GNB5: variants seen among roughly 807,000 people sequenced by gnomAD.
The protein encoded by GNB5 is guanine nucleotide-binding protein subunit beta-5.
GNB5 carries 37 observed loss-of-function variants against 55.3 expected under a neutral mutation model. The ratio of observed to expected loss-of-function variants is 0.67; its 90% confidence interval spans 0.51 to 0.88. GNB5 has a LOEUF of 0.88. Ranked by LOEUF, GNB5 falls within the 40% of genes least tolerant of loss-of-function variation. GNB5 has a pLI of 0.00. For synonymous variants in GNB5, 219 were observed against 198.5 expected, an observed-to-expected ratio of 1.10 and a Z score of -0.87; for missense variants, 476 against 515.3, an observed-to-expected ratio of 0.92 and a Z score of 0.74.
At chr15:52,167,197 C>T (rs1293108329) in intron 3 of GNB5, among the ~76,000 whole-genome samples, 2 of 151,814 alleles carry the variant, frequency 1.3e-5, no homozygotes, top group Admixed American at 1.3e-4. Flanking sequence ...AGCCTACCAA[C>T]AAAAAAAAGT....
intron 3 of GNB5, among the ~76,000 whole-genome samples, chr15:52,175,474 C>A (rs1048076596): frequency 1.3e-5 from 2 of 152,248 alleles, no homozygotes; most frequent in African/African-American, 4.8e-5. Flanking sequence ...CACATTAGCT[C>A]ACGCCTGTAA....
In GNB5 at chr15:52,127,090, C is replaced by G. The variant is rs145532085; in HGVS notation, c.913-1046G>C. Among the ~76,000 whole-genome samples, 720 of 152,254 alleles carry G rather than the reference C, an allele frequency of 4.7e-3. 17 individuals are homozygous for G. Among genetic ancestry groups the G allele is most frequent in the East Asian group, 0.025 (128 of 5,186 alleles). Reference sequence around the variant, plus strand: ...GGGATTACAGGCATGAACCACCGTGCCTGGCCAAGTAGAGATGTTTTCAAG... The same window carrying G: ...GGGATTACAGGCATGAACCACCGTGGCTGGCCAAGTAGAGATGTTTTCAAG... On this transcript the variant is annotated intron_variant, in intron 10 of 12. Coordinates refer to ENST00000261837, the MANE Select transcript of GNB5 (RefSeq NM_016194.4).
chr15:52,128,486 A>AACAC, intron 9 of GNB5: 1 of 617,260 alleles, frequency 1.6e-6, no homozygotes, highest in South Asian at 1.9e-5. Context: ...TCAGGCACAG[A>AACAC]ACACAGAGTA....
intron 8 of GNB5, among the ~76,000 whole-genome samples, chr15:52,133,930 A>G (rs2033639636): frequency 6.6e-6 from 1 of 152,250 alleles, no homozygotes; most frequent in Non-Finnish European, 1.5e-5. Flanking sequence ...CGAGAGTCCC[A>G]GCTTTGTTTT....
At chr15:52,151,582 C>A (rs1566941244) in intron 4 of GNB5, among the ~76,000 whole-genome samples, 1 of 152,202 alleles carries the variant, frequency 6.6e-6, no homozygotes, top group South Asian at 2.1e-4. Flanking sequence ...CTCCTCCCCA[C>A]ACCCACATCC....
At chr15:52,187,170 C>T (rs1015934789) in intron 1 of GNB5, among the ~76,000 whole-genome samples, 1 of 152,178 alleles carries the variant, frequency 6.6e-6, no homozygotes, top group Non-Finnish European at 1.5e-5. Context: ...GCCTGCCCTC[C>T]AGAGCCTGGC....
intron 2 of GNB5, 135 bp downstream of exon 2, chr15:52,184,416 A>G: frequency 1.4e-6 from 1 of 710,014 alleles, no homozygotes; most frequent in Middle Eastern, 2.4e-4. Context: ...CCTCTGTACT[A>G]TACTGCCTCA....
chr15:52,182,585 G>C (rs148688005), intron 2 of GNB5, among the ~76,000 whole-genome samples: 1 of 152,154 alleles, frequency 6.6e-6, no homozygotes, highest in Non-Finnish European at 1.5e-5. Context: ...GAGGAAGCTG[G>C]ATATCAGAAA....
chr15:52,143,333 G>T (rs1209573366), intron 6 of GNB5, among the ~76,000 whole-genome samples: 1 of 152,158 alleles, frequency 6.6e-6, no homozygotes, highest in Non-Finnish European at 1.5e-5. Context: ...TATTCGCATT[G>T]CTATGAGAAG....
intron 1 of GNB5, among the ~76,000 whole-genome samples, chr15:52,185,156 T>C (rs2034826873): frequency 6.6e-6 from 1 of 152,244 alleles, no homozygotes. Context: ...GTGGGTTCCG[T>C]GCAAGGCAAG....
intron 7 of GNB5, chr15:52,139,643 A>T: frequency 3.1e-6 from 1 of 323,658 alleles, no homozygotes; most frequent in Non-Finnish European, 5.7e-6. Flanking sequence ...AACGCTGTCT[A>T]GGATCACCAG....
chr15:52,135,862 C>A (rs2033692141), intron 7 of GNB5, 106 bp from the exon 8 acceptor site: 1 of 664,150 alleles, frequency 1.5e-6, no homozygotes, highest in African/African-American at 2.0e-5. Flanking sequence ...AACACACACA[C>A]ACACACACAC....
At chr15:52,147,173 T>G (rs935794179) in intron 6 of GNB5, 12 of 241,568 alleles carry the variant, frequency 5.0e-5, no homozygotes, top group East Asian at 2.2e-4. Flanking sequence ...TTTGTTTTTT[T>G]TTTTTTTTTT....
rs1430272587 is a variant in GNB5, at chr15:52,121,599, A to G, written c.*1158T>C. 6 of 148,360 alleles carry G rather than the reference A, an allele frequency of 4.0e-5. No homozygotes were observed. In the East Asian group the frequency reaches 8.0e-4, roughly 20 times the overall value. 9.2% of individuals were successfully genotyped at this position (148,360 alleles called of 1,614,324 possible). A position where few individuals can be genotyped will look rare whatever the true frequency, so the allele number is the denominator to read the frequency against. ...TGTAATTATAATTGCAATGCAATAC[A>G]TATGAATATAATTTTTTTTTTTTTT... On this transcript the variant is annotated 3_prime_UTR_variant, in exon 13 of 13. Coordinates refer to ENST00000261837, the MANE Select transcript of GNB5 (RefSeq NM_016194.4).
rs9302164 is a variant in GNB5 at position 52,185,753 on chromosome 15, T to TTTATTATTA, written c.-18-1068_-18-1060dup. ...CCACTTTGAGCTGTGTATTCATCTT[T>TTTATTATTA]TTATTATTATTATTATTATTATTAT... On this transcript the variant is annotated intron_variant, in intron 1 of 12. Coordinates refer to ENST00000261837, the MANE Select transcript of GNB5 (RefSeq NM_016194.4). Among the ~76,000 whole-genome samples, 983 of 136,680 alleles carry TTTATTATTA rather than the reference T, an allele frequency of 7.2e-3. 3 individuals are homozygous for TTTATTATTA. The highest frequency in any genetic ancestry group is 0.015 in the East Asian group (72 of 4,802). 89.7% of individuals were successfully genotyped at this position (136,680 alleles called of 152,430 possible).
intron 7 of GNB5, 132 bp from the exon 8 acceptor site, chr15:52,135,888 C>CACACACACAT (rs1299924535): frequency 1.4e-6 from 1 of 725,310 alleles, no homozygotes; most frequent in Admixed American, 2.7e-5. Context: ...CACACACACA[C>CACACACACAT]ACACACCCTA....
chr15:52,126,251 C>G, intron 10 of GNB5: 1 of 410,818 alleles, frequency 2.4e-6, no homozygotes, highest in Non-Finnish European at 4.3e-6. Flanking sequence ...TCCTATTAAT[C>G]TCTATGAGTC....
At chr15:52,129,387 G>C (rs965204671) in intron 9 of GNB5, among the ~76,000 whole-genome samples, 1 of 152,222 alleles carries the variant, frequency 6.6e-6, no homozygotes. Flanking sequence ...GCAAAGGAGA[G>C]GGAAGCTTGA....
In GNB5 at chr15:52,163,307, G is replaced by C. The variant is rs566384991; in HGVS notation, c.239-9231C>G. Among the ~76,000 whole-genome samples, 4 of 152,316 alleles carry C rather than the reference G, an allele frequency of 2.6e-5. No individual in the cohort carries two copies. In the South Asian group the frequency reaches 6.2e-4, roughly 24 times the overall value. ...GGAGTTTTCGCAAACTCCGGCCCAA[G>C]AAAGTCCTGTGAGGAAGGAGATCCA... On this transcript the variant is annotated intron_variant, in intron 3 of 12. Transcript: ENST00000261837.
Sources: gnomAD v4.1 joint callset for allele counts (sites outside exome capture counted in the v4.1 genomes callset) on GRCh38, gnomAD v4.1.1 for gene constraint, MANE v1.5 for transcripts, NCBI Gene and HGNC (gene_info 2026-07-23, HGNC 2026-07-21) for gene names.